The following KCNMA1 variants were observed in gnomAD, a reference collection of about 807,000 sequenced individuals.
KCNMA1 encodes Calcium-activated potassium channel subunit alpha-1.
A neutral mutation model predicts 140.0 loss-of-function variants in KCNMA1; 29 were observed. That is an observed-to-expected ratio of 0.21 (90% confidence interval 0.15 to 0.28). The LOEUF (loss-of-function observed/expected upper bound fraction) is 0.28, where lower values mean the gene tolerates loss of function less well. KCNMA1 is among the 10% of genes least tolerant of loss of function. The pLI is 1.00. For synonymous variants in KCNMA1, 612 were observed against 611.9 expected, an observed-to-expected ratio of 1.00 and a Z score of 0.00; for missense variants, 880 against 1,602.2, an observed-to-expected ratio of 0.55 and a Z score of 7.70.
intron 2 of KCNMA1, among the ~76,000 whole-genome samples, chr10:77,252,552 T>TGTGTGC: frequency 6.6e-6 from 1 of 151,814 alleles, no homozygotes; most frequent in African/African-American, 2.4e-5. Context: ...TGTGTGTGTG[T>TGTGTGC]GTGTGCGGGC....
chr10:76,883,499 T>C (rs1279680086), downstream of KCNMA1, among the ~76,000 whole-genome samples: 1 of 152,136 alleles, frequency 6.6e-6, no homozygotes, highest in Non-Finnish European at 1.5e-5. Context: ...GGGACACTGA[T>C]GATGCCACGA....
chr10:77,135,805 G>T (rs140202500), intron 5 of KCNMA1, among the ~76,000 whole-genome samples: 1 of 152,130 alleles, frequency 6.6e-6, no homozygotes, highest in Non-Finnish European at 1.5e-5. Context: ...GGGCTGGGGC[G>T]GTTGGAGGGA....
chr10:77,210,054 T>C (rs997586330), intron 3 of KCNMA1, among the ~76,000 whole-genome samples: 5 of 152,118 alleles, frequency 3.3e-5, no homozygotes, highest in Admixed American at 6.6e-5. Context: ...TCCTCCCTGA[T>C]GCATTCTATG....
intron 1 of KCNMA1, among the ~76,000 whole-genome samples, chr10:77,556,486 CAG>C (rs1286251692): frequency 4.9e-5 from 5 of 102,928 alleles, no homozygotes; most frequent in African/African-American, 2.0e-4. Flanking sequence ...GCCTGGACAA[CAG>C]AGTGGGACTA....
chr10:76,891,821 A>C, intron 25 of KCNMA1, 102 bp from the exon 26 acceptor site: 1 of 923,324 alleles, frequency 1.1e-6, no homozygotes, highest in Non-Finnish European at 1.7e-6. Flanking sequence ...TCTCCTGTTT[A>C]AAGTTCTGGC....
At chr10:77,428,464 G>A (rs907359694) in intron 1 of KCNMA1, among the ~76,000 whole-genome samples, 7 of 152,230 alleles carry the variant, frequency 4.6e-5, no homozygotes, top group Non-Finnish European at 1.0e-4. Context: ...GTGGCCCAGT[G>A]GTGGAGAGAA....
intron 1 of KCNMA1, among the ~76,000 whole-genome samples, chr10:77,527,603 G>C (rs948321499): frequency 6.6e-6 from 1 of 152,168 alleles, no homozygotes; most frequent in African/African-American, 2.4e-5. Flanking sequence ...TCTCTTCTCT[G>C]TGTCTCTTCC....
chr10:77,040,366 TA>T (rs1359695605), intron 14 of KCNMA1, among the ~76,000 whole-genome samples: 2 of 151,928 alleles, frequency 1.3e-5, no homozygotes, highest in Non-Finnish European at 2.9e-5. Flanking sequence ...AAAACAGAGG[TA>T]AAAAAATATA....
At chr10:77,168,427 T>A (rs191850041) in intron 5 of KCNMA1, among the ~76,000 whole-genome samples, 1 of 152,204 alleles carries the variant, frequency 6.6e-6, no homozygotes, top group Non-Finnish European at 1.5e-5. Context: ...ACCTAGATTG[T>A]ATAGCCTCCT....
intron 25 of KCNMA1, among the ~76,000 whole-genome samples, chr10:76,895,800 G>C (rs2042242209): frequency 6.6e-6 from 1 of 152,134 alleles, no homozygotes; most frequent in Non-Finnish European, 1.5e-5. Flanking sequence ...GTCTGGGGGA[G>C]ACATCACATG....
chr10:77,497,528 G>A (rs975286143), intron 1 of KCNMA1, among the ~76,000 whole-genome samples: 2 of 152,170 alleles, frequency 1.3e-5, no homozygotes, highest in African/African-American at 4.8e-5. Context: ...AACCCCCGCA[G>A]ACAGGCTTCC....
intron 13 of KCNMA1, among the ~76,000 whole-genome samples, chr10:77,078,444 T>C (rs2096466850): frequency 6.6e-6 from 1 of 152,236 alleles, no homozygotes; most frequent in South Asian, 2.1e-4. Context: ...GGAAACAGCA[T>C]AGACTCTGAC....
At chr10:77,629,169 T>C (rs1012068393) in intron 1 of KCNMA1, among the ~76,000 whole-genome samples, 2 of 152,172 alleles carry the variant, frequency 1.3e-5, no homozygotes, top group African/African-American at 4.8e-5. Context: ...GGAGTGCCAA[T>C]TACATTTCCA....
At chr10:77,520,221 G>A (rs112767349) in intron 1 of KCNMA1, among the ~76,000 whole-genome samples, 20 of 147,948 alleles carry the variant, frequency 1.4e-4, no homozygotes, top group African/African-American at 2.2e-4. Context: ...TCTGGGGTAT[G>A]CAGTGTGAGG....
At chr10:77,109,524 A>AGCT (rs1211519434) in intron 8 of KCNMA1, among the ~76,000 whole-genome samples, 6 of 152,246 alleles carry the variant, frequency 3.9e-5, no homozygotes, top group Non-Finnish European at 5.9e-5. Flanking sequence ...CAACATAAAG[A>AGCT]GCTGCGTAGA....
intron 2 of KCNMA1, among the ~76,000 whole-genome samples, chr10:77,277,560 A>G (rs967752970): frequency 3.3e-5 from 5 of 152,168 alleles, no homozygotes; most frequent in African/African-American, 1.2e-4. Context: ...GCCACAGACA[A>G]CTGACTTTCA....
intron 2 of KCNMA1, among the ~76,000 whole-genome samples, chr10:77,260,614 C>T (rs986942566): frequency 6.6e-6 from 1 of 152,128 alleles, no homozygotes; most frequent in African/African-American, 2.4e-5. Flanking sequence ...GAGGCTGAGG[C>T]ATGAAAATTG....
intron 1 of KCNMA1, among the ~76,000 whole-genome samples, chr10:77,487,196 C>T (rs2098471298): frequency 6.6e-6 from 1 of 152,190 alleles, no homozygotes; most frequent in African/African-American, 2.4e-5. Context: ...AGACTTGGCC[C>T]TGAAATTCCA....
chr10:77,537,882 T>A (rs2059269416), intron 1 of KCNMA1, among the ~76,000 whole-genome samples: 1 of 151,930 alleles, frequency 6.6e-6, no homozygotes, highest in Admixed American at 6.6e-5. Context: ...TTGGCAGGGC[T>A]CAGCAGGAAT....
Sources: allele counts gnomAD v4.1 joint callset (sites outside exome capture counted in the v4.1 genomes callset), GRCh38; gene constraint gnomAD v4.1.1; transcripts MANE v1.5; gene names NCBI Gene and HGNC (gene_info 2026-07-23, HGNC 2026-07-21).